Variants in RBM41 observed in about 807,000 individuals in gnomAD.
RBM41 encodes the protein RNA-binding protein 41.
In RBM41, 14 loss-of-function variants were observed where a neutral mutation model predicts 30.8. That is an observed-to-expected ratio of 0.45 (90% CI 0.30 to 0.71). The LOEUF (loss-of-function observed/expected upper bound fraction) is 0.71. RBM41 is among the 30% of genes least tolerant of loss of function. The probability of loss-of-function intolerance (pLI) is 0.08; values close to 1 mark genes in which losing one functional copy is unlikely to be tolerated. For missense variants in RBM41, 276 were observed against 326.3 expected, an observed-to-expected ratio of 0.85 and a Z score of 1.19; for synonymous variants, 120 against 110.1, an observed-to-expected ratio of 1.09 and a Z score of -0.56.
chrX:107,109,413 G>A (rs970198918), intron 5 of RBM41, among the ~76,000 whole-genome samples: 5 of 111,357 alleles, frequency 4.5e-5, no homozygotes, highest in Non-Finnish European at 1.9e-5. Context: ...GCAAAAAGAT[G>A]GAAAAAGATG....
chrX:107,100,385 G>A (rs771789480), intron 5 of RBM41, among the ~76,000 whole-genome samples: 2 of 109,977 alleles, frequency 1.8e-5, no homozygotes, highest in Non-Finnish European at 3.8e-5. Context: ...CCAGCTACTC[G>A]GAAGGCTGAG....
At chrX:107,052,291 T>A in the RBM41 span, among the ~76,000 whole-genome samples, 2 of 111,141 alleles carry the variant, frequency 1.8e-5, no homozygotes, top group Non-Finnish European at 3.8e-5. Context: ...TTTCTTTACC[T>A]CCTGTTTTTG....
intron 5 of RBM41, among the ~76,000 whole-genome samples, chrX:107,105,370 G>C (rs1923869625): frequency 9.5e-6 from 1 of 105,552 alleles, no homozygotes; most frequent in African/African-American, 3.5e-5. Flanking sequence ...AATAAAAGAG[G>C]ATACAAACAA....
intron 5 of RBM41, among the ~76,000 whole-genome samples, chrX:107,096,318 T>G (rs1224356451): frequency 8.9e-6 from 1 of 111,994 alleles, no homozygotes; most frequent in Non-Finnish European, 1.9e-5. Flanking sequence ...AGAGTGATTT[T>G]AAAAAAGAGA....
At chrX:107,053,383 C>T in the RBM41 span, among the ~76,000 whole-genome samples, 2 of 113,126 alleles carry the variant, frequency 1.8e-5, no homozygotes, top group Non-Finnish European at 3.7e-5. Context: ...CCACCTGATG[C>T]ATTGGGAGCT....
intron 5 of RBM41, among the ~76,000 whole-genome samples, chrX:107,106,925 C>T (rs1410144175): frequency 2.8e-5 from 3 of 109,012 alleles, no homozygotes; most frequent in Admixed American, 2.0e-4. Flanking sequence ...TGTTAAATGA[C>T]GAGTTAATGG....
At chrX:107,055,907 GT>G in the RBM41 span, among the ~76,000 whole-genome samples, 1 of 112,036 alleles carries the variant, frequency 8.9e-6, no homozygotes, top group Non-Finnish European at 1.9e-5. Flanking sequence ...TCATCTAAGA[GT>G]TTTATGGTTT....
chrX:107,065,779 A>T lies in RBM41; in HGVS notation c.*1748T>A, dbSNP rs181971927. On this transcript the variant is annotated 3_prime_UTR_variant, in exon 8 of 8. Coordinates refer to ENST00000685964, the MANE Select transcript of RBM41 (RefSeq NM_001324242.2). ...TCAACCTGTTATCGGCAAATATATT[A>T]TATTTTATACGTTATAGGCCAAACG... 12 of 1,147,862 alleles carry T rather than the reference A, an allele frequency of 1.0e-5. No homozygotes were observed. The Admixed American group carries it at 3.0e-4, about 29-fold the overall frequency. 94.6% of individuals were successfully genotyped at this position (1,147,862 alleles called of 1,213,427 possible). A position where few individuals can be genotyped will look rare whatever the true frequency, so the allele number is the denominator to read the frequency against.
At chrX:107,088,978 A>C in intron 5 of RBM41, 139 bp from the exon 6 acceptor site, 1 of 883,866 alleles carries the variant, frequency 1.1e-6, no homozygotes, top group Non-Finnish European at 1.5e-6. Context: ...ACAAATGACA[A>C]TGGTAAATAG....
the RBM41 span, among the ~76,000 whole-genome samples, chrX:107,055,474 G>A: frequency 1.1e-4 from 12 of 111,077 alleles, no homozygotes; most frequent in Non-Finnish European, 1.3e-4. Context: ...ACAGGCGCCC[G>A]CCACCACGCC....
Position 107,065,675 on chromosome X carries a change from C to T in RBM41, c.*1852G>A. 1 of 1,054,946 alleles carries T rather than the reference C, an allele frequency of 9.5e-7. No individual in the cohort carries two copies. The highest frequency in any genetic ancestry group is 1.9e-5 in the African/African-American group (1 of 52,466). The allele number at this position is 1,054,946 out of a possible 1,213,427, so 86.9% of individuals were successfully genotyped here. A position where few individuals can be genotyped will look rare whatever the true frequency, so the allele number is the denominator to read the frequency against. ...ACTTATTTCCTATTTCACGTTCTCT[C>T]CATTTGTTCCTGTGGATTTGTCTTA... On this transcript the variant is annotated 3_prime_UTR_variant, in exon 8 of 8. Transcript: ENST00000685964.
intron 5 of RBM41, among the ~76,000 whole-genome samples, chrX:107,107,183 G>A (rs1307130349): frequency 1.8e-5 from 2 of 111,054 alleles, no homozygotes; most frequent in Non-Finnish European, 3.8e-5. Flanking sequence ...AAGAAAGAAG[G>A]AATACTGGGG....
downstream of RBM41, among the ~76,000 whole-genome samples, chrX:107,058,407 A>G (rs895527937): frequency 1.8e-5 from 2 of 111,063 alleles, no homozygotes; most frequent in Non-Finnish European, 3.8e-5. Context: ...AACACCTTAC[A>G]TGTATTAATT....
At chrX:107,097,853 C>A (rs1923116717) in intron 5 of RBM41, among the ~76,000 whole-genome samples, 1 of 111,638 alleles carries the variant, frequency 9.0e-6, no homozygotes, top group African/African-American at 3.3e-5. Context: ...TATGAAGTAT[C>A]TAGAAAAGAC....
chrX:107,075,284 C>T (rs775843928), intron 6 of RBM41, among the ~76,000 whole-genome samples: 2 of 111,900 alleles, frequency 1.8e-5, no homozygotes, highest in Non-Finnish European at 3.8e-5. Context: ...TTTAAATATA[C>T]GACCTGAGAC....
chrX:107,106,887 G>C lies in RBM41; in HGVS notation c.595+6510C>G, dbSNP rs750403432. On this transcript the variant is annotated intron_variant, in intron 5 of 7. Coordinates refer to ENST00000685964, the MANE Select transcript of RBM41 (RefSeq NM_001324242.2). ...CCTGTTGTGGGGTGGGGGGAGTGGG[G>C]AGGGATAGCATTAGGAGATATACCT... is the stretch of plus-strand genomic sequence containing the variant. Among the ~76,000 whole-genome samples the C allele has an allele frequency of 3.1e-5, 3 of 95,541 alleles. No homozygotes were observed. The East Asian group carries it at 1.2e-3, about 37-fold the overall frequency. 83.0% of individuals were successfully genotyped at this position (95,541 alleles called of 115,157 possible).
intron 4 of RBM41, among the ~76,000 whole-genome samples, 165 bp from the exon 5 acceptor site, chrX:107,113,633 AT>A (rs1265025349): frequency 9.0e-6 from 1 of 111,683 alleles, no homozygotes; most frequent in East Asian, 2.8e-4. Flanking sequence ...TAATATTCTC[AT>A]TTTACAGATG....
chrX:107,108,511 TA>T (rs1924195104), intron 5 of RBM41, among the ~76,000 whole-genome samples: 1 of 111,936 alleles, frequency 8.9e-6, no homozygotes, highest in Non-Finnish European at 1.9e-5. Context: ...AGACATGGCA[TA>T]ATCAAATTGC....
intron 6 of RBM41, among the ~76,000 whole-genome samples, chrX:107,077,478 G>A (rs1301174007): frequency 5.5e-5 from 6 of 109,567 alleles, no homozygotes; most frequent in Non-Finnish European, 1.1e-4. Flanking sequence ...GGTTGAGGTG[G>A]CTCTGTCAGG....
Sources: allele counts gnomAD v4.1 joint callset (sites outside exome capture counted in the v4.1 genomes callset), GRCh38; gene constraint gnomAD v4.1.1; transcripts MANE v1.5; gene names NCBI Gene and HGNC (gene_info 2026-07-23, HGNC 2026-07-21).